The following KLRK1 variants were observed in gnomAD, a reference collection of about 807,000 sequenced individuals.
KLRK1 encodes NKG2-D type II integral membrane protein.
KLRK1 carries 40 observed loss-of-function variants against 31.3 expected under a neutral mutation model. The observed-to-expected ratio is 1.28, with a 90% CI of 0.99 to 1.67. KLRK1 has a LOEUF of 1.67. Ranked by LOEUF, KLRK1 falls within the 40% of genes most tolerant of loss-of-function variation. The pLI is 0.00. For missense variants in KLRK1, 251 were observed against 260.0 expected (o/e 0.97, Z 0.24); for synonymous variants, 77 against 77.3 (o/e 1.00, Z 0.02).
At position 10,373,244 on chromosome 12, in the gene KLRK1, C is replaced by CAATT. The variant is rs755540369; in HGVS notation, c.534-17_534-14dup. The CAATT allele has an allele frequency of 6.4e-7, 1 of 1,556,194 alleles. No individual in the cohort carries two copies. Among genetic ancestry groups the CAATT allele is most frequent in the Admixed American group, 2.2e-5 (1 of 44,836 alleles). On this transcript the variant is annotated splice_polypyrimidine_tract_variant and intron_variant, in intron 7 of 7. Transcript: ENST00000240618. ...AATTATTGTTAGTCTAGAGGAGAGA[C>CAATT]AATTACAAATTACATACATGATTTT...
intron 3 of KLRK1, among the ~76,000 whole-genome samples, chr12:10,386,215 C>CT (rs1240806574): frequency 6.6e-6 from 1 of 151,920 alleles, no homozygotes; most frequent in Non-Finnish European, 1.5e-5. Flanking sequence ...TTTTGAGTCT[C>CT]TCTCTGGGAT....
intron 3 of KLRK1, among the ~76,000 whole-genome samples, chr12:10,380,671 G>A (rs910195133): frequency 5.3e-5 from 8 of 152,140 alleles, no homozygotes; most frequent in African/African-American, 1.7e-4. Context: ...GAGCTCCCCA[G>A]CAGTCCACAT....
chr12:10,378,259 A>ATAAG (rs1565491919), intron 6 of KLRK1, 24 bp from the exon 7 acceptor site: 2 of 1,603,722 alleles, frequency 1.2e-6, no homozygotes, highest in East Asian at 2.2e-5. Flanking sequence ...CAAATAAACT[A>ATAAG]TAAGTAAAAT....
chr12:10,379,697 T>C lies in KLRK1; in HGVS notation c.241+3A>G. On this transcript the variant is annotated splice_donor_region_variant and intron_variant, in intron 4 of 7. Coordinates refer to ENST00000240618, the MANE Select transcript of KLRK1 (RefSeq NM_007360.4). Reference sequence around the variant, plus strand: ...TGCAATCTACTTCTCTGTTGTCACTTACAGTTTAGGAATACAGCACTCCAT... The same window carrying C: ...TGCAATCTACTTCTCTGTTGTCACTCACAGTTTAGGAATACAGCACTCCAT... The C allele has an allele frequency of 6.3e-7, 1 of 1,599,308 alleles. No individual in the cohort carries two copies. The highest frequency in any genetic ancestry group is 8.5e-7 in the Non-Finnish European group (1 of 1,174,236).
intron 3 of KLRK1, among the ~76,000 whole-genome samples, chr12:10,386,237 A>G (rs1053330318): frequency 6.6e-6 from 1 of 152,056 alleles, no homozygotes; most frequent in Non-Finnish European, 1.5e-5. Context: ...AATTCCCACA[A>G]TGATAATTGT....
chr12:10,388,707 G>C, intron 2 of KLRK1, 64 bp downstream of exon 2: 1 of 1,602,608 alleles, frequency 6.2e-7, no homozygotes, highest in Non-Finnish European at 8.5e-7. Flanking sequence ...ATGCTTGTAT[G>C]AAATTCTTGG....
chr12:10,375,995 T>G (rs540245677), intron 7 of KLRK1, among the ~76,000 whole-genome samples: 144 of 152,248 alleles, frequency 9.5e-4, no homozygotes, highest in African/African-American at 3.3e-3. Context: ...GATAAGAGAT[T>G]TGAAGAAATA....
intron 3 of KLRK1, among the ~76,000 whole-genome samples, chr12:10,385,616 G>A (rs1863154204): frequency 6.6e-6 from 1 of 151,858 alleles, no homozygotes; most frequent in African/African-American, 2.4e-5. Context: ...AGAATAGGGG[G>A]GAGGAGAAGA....
intron 3 of KLRK1, among the ~76,000 whole-genome samples, chr12:10,386,140 T>A (rs973830309): frequency 1.3e-4 from 20 of 152,134 alleles, no homozygotes; most frequent in Non-Finnish European, 2.4e-4. Flanking sequence ...CCAGTGGATA[T>A]TTAAATTGTT....
At chr12:10,389,054 G>A (rs965790184) in intron 1 of KLRK1, 179 bp from the exon 2 acceptor site, 1 of 466,578 alleles carries the variant, frequency 2.1e-6, no homozygotes, top group Non-Finnish European at 3.8e-6. Context: ...TCTCTTGGTT[G>A]TAAAATAATC....
Position 10,388,885 on chromosome 12 carries a change from A to C in KLRK1, c.-65-10T>G. The C allele has an allele frequency of 6.4e-7, 1 of 1,566,734 alleles. No individual in the cohort carries two copies. Among genetic ancestry groups the C allele is most frequent in the Non-Finnish European group, 8.7e-7 (1 of 1,143,544 alleles). ...AATGCACAAAGGATTCCTGAATAAA[A>C]TAAAACTGGGCATTTGTTTTTTGTT... On this transcript the variant is annotated splice_polypyrimidine_tract_variant and intron_variant, in intron 1 of 7. Coordinates refer to ENST00000240618, the MANE Select transcript of KLRK1 (RefSeq NM_007360.4).
Position 10,388,885 on chromosome 12 carries a change from A to G in KLRK1, c.-65-10T>C. ...AATGCACAAAGGATTCCTGAATAAA[A>G]TAAAACTGGGCATTTGTTTTTTGTT... On this transcript the variant is annotated splice_polypyrimidine_tract_variant and intron_variant, in intron 1 of 7. Transcript: ENST00000240618. 1 of 1,566,734 alleles carries G rather than the reference A, an allele frequency of 6.4e-7. No homozygotes were observed. The highest frequency in any genetic ancestry group is 8.7e-7 in the Non-Finnish European group (1 of 1,143,544).
At chr12:10,383,451 AG>A (rs1233728068) in intron 3 of KLRK1, among the ~76,000 whole-genome samples, 2 of 152,062 alleles carry the variant, frequency 1.3e-5, no homozygotes, top group Admixed American at 6.6e-5. Context: ...AATATAATAT[AG>A]TATTTATAAG....
intron 3 of KLRK1, among the ~76,000 whole-genome samples, chr12:10,383,175 G>A (rs1164363604): frequency 6.6e-6 from 1 of 151,788 alleles, no homozygotes; most frequent in Non-Finnish European, 1.5e-5. Context: ...AATGCAAGGG[G>A]GCTAAATTCT....
rs192224382 is a variant in KLRK1 at position 10,379,545 on chromosome 12, A to G, written c.242-63T>C. The stretch of plus-strand genomic sequence containing the variant: ...TTAGTAACTTATAGTATAAGCAAAT[A>G]TAGTTTACAAATTTCTGGACTAATA... On this transcript the variant is annotated intron_variant, in intron 4 of 7. Coordinates refer to ENST00000240618, the MANE Select transcript of KLRK1 (RefSeq NM_007360.4). 3.8e-6 allele frequency: 5 copies of G among 1,320,662 alleles called. No individual in the cohort carries two copies. In the Admixed American group the frequency reaches 9.8e-5, roughly 26 times the overall value. The allele number at this position is 1,320,662 out of a possible 1,614,324, so 81.8% of individuals were successfully genotyped here.
chr12:10,382,748 A>G (rs984333564), intron 3 of KLRK1, among the ~76,000 whole-genome samples: 3 of 152,214 alleles, frequency 2.0e-5, no homozygotes, highest in Non-Finnish European at 4.4e-5. Flanking sequence ...TGAAGACCAA[A>G]AGACAACTCT....
intron 7 of KLRK1, among the ~76,000 whole-genome samples, chr12:10,375,709 G>A (rs935328461): frequency 2.4e-4 from 37 of 152,186 alleles, no homozygotes; most frequent in East Asian, 1.9e-4. Context: ...ATTCCTGATC[G>A]TTGTAGCTGA....
At chr12:10,385,001 T>C (rs1425508148) in intron 3 of KLRK1, among the ~76,000 whole-genome samples, 2 of 151,968 alleles carry the variant, frequency 1.3e-5, no homozygotes, top group Non-Finnish European at 2.9e-5. Context: ...TTCAACATCA[T>C]TCATCATCAA....
In KLRK1 at chr12:10,385,919, C is replaced by T. The variant is rs907925656; in HGVS notation, c.148+984G>A. 4.0e-5 allele frequency among the ~76,000 whole-genome samples: 6 copies of T among 151,528 alleles called. No individual in the cohort carries two copies. The South Asian group carries it at 6.3e-4, about 16-fold the overall frequency. On this transcript the variant is annotated intron_variant, in intron 3 of 7. Coordinates refer to ENST00000240618, the MANE Select transcript of KLRK1 (RefSeq NM_007360.4). ...CCAACTAAAAATAAACAAAAATTAC[C>T]GTTCCCCTTAACTACATATTAAAAA...
Sources: gnomAD v4.1 joint callset for allele counts (sites outside exome capture counted in the v4.1 genomes callset) on GRCh38, gnomAD v4.1.1 for gene constraint, MANE v1.5 for transcripts, NCBI Gene and HGNC (gene_info 2026-07-23, HGNC 2026-07-21) for gene names.